The following CBLB variants were observed in gnomAD, a reference collection of about 807,000 sequenced individuals.
CBLB encodes Cbl proto-oncogene B, also known as E3 ubiquitin-protein ligase CBL-B.
Under a neutral mutation model 104.9 loss-of-function variants are expected in CBLB, and 31 were observed. The observed-to-expected ratio is 0.30, with a 90% confidence interval of 0.22 to 0.40. The LOEUF (loss-of-function observed/expected upper bound fraction) is 0.40, where lower values mean the gene tolerates loss of function less well. Ranked by LOEUF, CBLB falls within the 10% of genes least tolerant of loss-of-function variation. The pLI is 1.00. For synonymous variants in CBLB, 440 were observed against 422.6 expected, an observed-to-expected ratio of 1.04 and a Z score of -0.51; for missense variants, 1,062 against 1,214.6, an observed-to-expected ratio of 0.87 and a Z score of 1.87.
At chr3:105,767,562 C>CTTTTTTTTTTTT (rs34794014) in intron 4 of CBLB, among the ~76,000 whole-genome samples, 4 of 141,144 alleles carry the variant, frequency 2.8e-5, no homozygotes, top group Admixed American at 7.0e-5. Flanking sequence ...CTTTTTCTTT[C>CTTTTTTTTTTTT]TTTTTTTTTT....
chr3:105,803,806 C>A (rs912803525), intron 3 of CBLB, among the ~76,000 whole-genome samples: 3 of 152,140 alleles, frequency 2.0e-5, no homozygotes, highest in African/African-American at 7.2e-5. Flanking sequence ...GGTCACTTAT[C>A]TTTTCACTAT....
intron 3 of CBLB, among the ~76,000 whole-genome samples, chr3:105,852,937 G>A (rs1393850508): frequency 6.6e-6 from 1 of 151,856 alleles, no homozygotes; most frequent in South Asian, 2.1e-4. Context: ...GGCTGGTCTC[G>A]AACTCCCGAC....
In CBLB at chr3:105,719,704, CTTT is replaced by C. The variant is rs536263121; in HGVS notation, c.1407+340_1407+342del. On this transcript the variant is annotated intron_variant, in intron 10 of 18. Transcript: ENST00000394030. The stretch of plus-strand genomic sequence containing the variant: ...TGGTTTATGTACTTACTATACTATA[CTTT>C]TTATCATTATTTTAGAGTATACTCC... Among the ~76,000 whole-genome samples, 742 of 152,302 alleles carry C rather than the reference CTTT, an allele frequency of 4.9e-3. 11 individuals carry two copies. Among genetic ancestry groups the C allele is most frequent in the Non-Finnish European group, 5.4e-3 (368 of 68,036 alleles).
intron 3 of CBLB, among the ~76,000 whole-genome samples, chr3:105,833,039 C>G (rs1463029173): frequency 6.6e-6 from 1 of 151,986 alleles, no homozygotes; most frequent in Non-Finnish European, 1.5e-5. Flanking sequence ...TGTGGAGGTC[C>G]TAAAGGCCTG....
intron 3 of CBLB, among the ~76,000 whole-genome samples, chr3:105,810,121 C>G (rs769933037): frequency 6.6e-6 from 1 of 152,074 alleles, no homozygotes; most frequent in Non-Finnish European, 1.5e-5. Context: ...GATAGGAGCT[C>G]TACAAATTAA....
rs1022033283 is a variant in CBLB, at chr3:105,710,785, C to G, written c.1408-6612G>C. ...GATTCTTTTACGTCTACATACTCATCCTTTTGCTTTGGAAATTAATAAATA... is the reference window on the plus strand; with the variant it reads ...GATTCTTTTACGTCTACATACTCATGCTTTTGCTTTGGAAATTAATAAATA... On this transcript the variant is annotated intron_variant, in intron 10 of 18. Transcript: ENST00000394030. Among the ~76,000 whole-genome samples, 6 of 151,988 alleles carry G rather than the reference C, an allele frequency of 3.9e-5. No individual in the cohort carries two copies. The East Asian group carries it at 1.2e-3, about 29-fold the overall frequency.
intron 3 of CBLB, among the ~76,000 whole-genome samples, chr3:105,819,636 A>T (rs1294500138): frequency 6.6e-6 from 1 of 152,166 alleles, no homozygotes; most frequent in Non-Finnish European, 1.5e-5. Flanking sequence ...TACAAATGTG[A>T]TATCATCAGA....
intron 3 of CBLB, among the ~76,000 whole-genome samples, chr3:105,848,865 G>A (rs981648023): frequency 2.0e-5 from 3 of 152,036 alleles, no homozygotes; most frequent in East Asian, 1.9e-4. Context: ...TTGTCATACC[G>A]ATTAGGTGGA....
At chr3:105,786,768 A>C (rs539850947) in intron 3 of CBLB, among the ~76,000 whole-genome samples, 49 of 152,320 alleles carry the variant, frequency 3.2e-4, no homozygotes, top group African/African-American at 1.2e-3. Context: ...TCTCCTAAAA[A>C]ATGCAACTAA....
chr3:105,734,713 A>T (rs568307977), intron 8 of CBLB, among the ~76,000 whole-genome samples: 1 of 152,340 alleles, frequency 6.6e-6, no homozygotes, highest in Non-Finnish European at 1.5e-5. Flanking sequence ...ACTTAACAAA[A>T]GTTAGGCCTG....
At chr3:105,741,091 T>G (rs11918793) in intron 6 of CBLB, among the ~76,000 whole-genome samples, 1,836 of 123,032 alleles carry the variant, frequency 0.015, 41 homozygotes, top group African/African-American at 0.051. Flanking sequence ...ACATAAAAAT[T>G]AGGGTTTTTT....
intron 13 of CBLB, 33 bp from the exon 14 acceptor site, chr3:105,685,499 A>C: frequency 6.3e-7 from 1 of 1,587,318 alleles, no homozygotes; most frequent in Non-Finnish European, 8.6e-7. Flanking sequence ...ATCTAGTTTA[A>C]GCATAATATT....
At chr3:105,663,260 C>G (rs182116301) in intron 18 of CBLB, among the ~76,000 whole-genome samples, 2 of 152,242 alleles carry the variant, frequency 1.3e-5, no homozygotes, top group Admixed American at 1.3e-4. Context: ...AGGGAAGAAC[C>G]TAGAAATGAT....
chr3:105,826,535 T>C (rs2086607076), intron 3 of CBLB, among the ~76,000 whole-genome samples: 1 of 152,194 alleles, frequency 6.6e-6, no homozygotes, highest in Non-Finnish European at 1.5e-5. Context: ...CGACAGCTTT[T>C]GTAAGATCAA....
In CBLB at chr3:105,868,944, C is replaced by A; in HGVS notation, c.-223G>T. The A allele has an allele frequency of 9.7e-7, 1 of 1,025,650 alleles. No homozygotes were observed. The highest frequency in any genetic ancestry group is 1.7e-5 in the African/African-American group (1 of 57,524). The allele number at this position is 1,025,650 out of a possible 1,614,324, so 63.5% of individuals were successfully genotyped here. On this transcript the variant is annotated 5_prime_UTR_variant, in exon 1 of 19. Transcript: ENST00000394030. ...ACAAATCCACACCCGCTCTCCCCTCCCGCCCGACTCGGGGAGGCCGCGGGA... is the reference window on the plus strand; with the variant it reads ...ACAAATCCACACCCGCTCTCCCCTCACGCCCGACTCGGGGAGGCCGCGGGA...
intron 3 of CBLB, among the ~76,000 whole-genome samples, chr3:105,835,981 G>A (rs1428327608): frequency 6.6e-6 from 1 of 151,772 alleles, no homozygotes; most frequent in Admixed American, 6.6e-5. Flanking sequence ...ATAATGGAAT[G>A]TTATCTGGTA....
rs184280947 is a variant in CBLB, at chr3:105,809,430, T to A, written c.420-32888A>T. On this transcript the variant is annotated intron_variant, in intron 3 of 18. Transcript: ENST00000394030. ...GCAGATGATTAGCAGGAGGCTATAC[T>A]ACCAGCTCAGTAGATGCTCCCATCA... Among the ~76,000 whole-genome samples the A allele has an allele frequency of 2.4e-4, 37 of 152,326 alleles. No homozygotes were observed. In the East Asian group the frequency reaches 6.9e-3, roughly 29 times the overall value.
At chr3:105,815,364 G>A (rs2084899953) in intron 3 of CBLB, among the ~76,000 whole-genome samples, 1 of 152,144 alleles carries the variant, frequency 6.6e-6, no homozygotes, top group Admixed American at 6.5e-5. Context: ...AAAAACACAG[G>A]AAGAAAGGCT....
intron 3 of CBLB, among the ~76,000 whole-genome samples, chr3:105,811,549 T>C (rs894854686): frequency 6.6e-6 from 1 of 152,204 alleles, no homozygotes; most frequent in African/African-American, 2.4e-5. Context: ...ATGACAGTAA[T>C]GTCAATTTCC....
Sources: allele counts gnomAD v4.1 joint callset (sites outside exome capture counted in the v4.1 genomes callset), GRCh38; gene constraint gnomAD v4.1.1; transcripts MANE v1.5; gene names NCBI Gene and HGNC (gene_info 2026-07-23, HGNC 2026-07-21).